The following ARHGEF28 variants were observed in gnomAD, a reference collection of about 807,000 sequenced individuals.
ARHGEF28 encodes 190 kDa guanine nucleotide exchange factor.
ARHGEF28 carries 152 observed loss-of-function variants against 206.6 expected under a neutral mutation model. The ratio of observed to expected loss-of-function variants is 0.74; its 90% CI spans 0.64 to 0.84. ARHGEF28 has a LOEUF of 0.84. Among genes scored for constraint, ARHGEF28 ranks in the 40% least tolerant of loss-of-function variants. The pLI, the probability that ARHGEF28 is intolerant of heterozygous loss-of-function variation, is 0.00. For missense variants in ARHGEF28, 2,028 were observed against 2,073.2 expected, an observed-to-expected ratio of 0.98 and a Z score of 0.42; for synonymous variants, 763 against 776.4, an observed-to-expected ratio of 0.98 and a Z score of 0.29.
intron 24 of ARHGEF28, among the ~76,000 whole-genome samples, chr5:73,885,311 C>G (rs1761200793): frequency 1.3e-5 from 2 of 151,980 alleles, no homozygotes; most frequent in Admixed American, 1.3e-4. Flanking sequence ...CATTTCCTGC[C>G]CTAGGGAGAA....
chr5:73,825,253 A>G (rs548394988), intron 9 of ARHGEF28, among the ~76,000 whole-genome samples: 4 of 152,318 alleles, frequency 2.6e-5, no homozygotes, highest in African/African-American at 9.6e-5. Flanking sequence ...GCCATTTCAT[A>G]TAAGATGATC....
rs1759121798 is a variant in ARHGEF28 at position 73,857,535 on chromosome 5, G to A, written c.1791-121G>A. 1.5e-5 allele frequency: 17 copies of A among 1,112,026 alleles called. No homozygotes were observed. The South Asian group carries it at 3.4e-4, about 22-fold the overall frequency. 68.9% of individuals were successfully genotyped at this position (1,112,026 alleles called of 1,614,324 possible). A position where few individuals can be genotyped will look rare whatever the true frequency, so the allele number is the denominator to read the frequency against. On this transcript the variant is annotated intron_variant, in intron 14 of 35. Transcript: ENST00000513042. ...CTCTTTAGAACAGCCACTAAAACCT[G>A]AAAAAATACATACACATACATATAT...
intron 6 of ARHGEF28, among the ~76,000 whole-genome samples, chr5:73,777,806 C>T (rs1212147885): frequency 6.6e-6 from 1 of 152,132 alleles, no homozygotes; most frequent in Non-Finnish European, 1.5e-5. Context: ...GGCGTGGTGG[C>T]TCACACCTGT....
chr5:73,792,315 T>C (rs1287421993), intron 7 of ARHGEF28, among the ~76,000 whole-genome samples: 1 of 152,190 alleles, frequency 6.6e-6, no homozygotes, highest in African/African-American at 2.4e-5. Context: ...CTATAAAAAC[T>C]AGTTCACTGG....
chr5:73,654,658 C>T (rs1224736731), intron 1 of ARHGEF28, among the ~76,000 whole-genome samples: 1 of 152,158 alleles, frequency 6.6e-6, no homozygotes, highest in African/African-American at 2.4e-5. Flanking sequence ...CTTTTCTTGC[C>T]TCAGGTGAAC....
intron 27 of ARHGEF28, 117 bp from the exon 28 acceptor site, chr5:73,893,080 T>C (rs1761743646): frequency 1.2e-6 from 1 of 817,222 alleles, no homozygotes; most frequent in Admixed American, 3.3e-5. Context: ...ATTCCCTTTA[T>C]GCTGAAATTT....
intron 7 of ARHGEF28, among the ~76,000 whole-genome samples, chr5:73,791,868 A>G (rs1754504184): frequency 6.6e-6 from 1 of 152,214 alleles, no homozygotes; most frequent in Non-Finnish European, 1.5e-5. Context: ...GGCAAGATTA[A>G]TAGGCCTTTA....
At position 73,923,777 on chromosome 5, in the gene ARHGEF28, T is replaced by G. The variant is rs1197657070; in HGVS notation, c.4948+12202T>G. Reference sequence around the variant, plus strand: ...CTTTAGAGAGACTGTTGGCTAACTTTGAGGATGTATGGTTCAGGAAAGTTT... The same window carrying G: ...CTTTAGAGAGACTGTTGGCTAACTTGGAGGATGTATGGTTCAGGAAAGTTT... On this transcript the variant is annotated intron_variant, in intron 35 of 35. Coordinates refer to ENST00000513042, the MANE Select transcript of ARHGEF28 (RefSeq NM_001177693.2). Among the ~76,000 whole-genome samples, 3 of 152,280 alleles carry G rather than the reference T, an allele frequency of 2.0e-5. No individual in the cohort carries two copies. The East Asian group carries it at 5.8e-4, about 29-fold the overall frequency.
In ARHGEF28 at chr5:73,809,449, C is replaced by T. The variant is rs147352187; in HGVS notation, c.1024+14058C>T. ...TGACTTGGTTAGGGCCACTAACTGACGGAGCCATTATTTGAACCCGGATAT... is the reference window on the plus strand; with the variant it reads ...TGACTTGGTTAGGGCCACTAACTGATGGAGCCATTATTTGAACCCGGATAT... On this transcript the variant is annotated intron_variant, in intron 9 of 35. Coordinates refer to ENST00000513042, the MANE Select transcript of ARHGEF28 (RefSeq NM_001177693.2). Among the ~76,000 whole-genome samples the T allele has an allele frequency of 1.6e-4, 25 of 152,208 alleles. No homozygotes were observed. The East Asian group carries it at 4.4e-3, about 27-fold the overall frequency.
chr5:73,787,463 G>A (rs1754231011), intron 7 of ARHGEF28, among the ~76,000 whole-genome samples: 1 of 152,056 alleles, frequency 6.6e-6, no homozygotes, highest in African/African-American at 2.4e-5. Flanking sequence ...AGGTATACAC[G>A]TGCCATGGTG....
chr5:73,665,504 G>C (rs977627828), intron 1 of ARHGEF28, among the ~76,000 whole-genome samples: 4 of 152,060 alleles, frequency 2.6e-5, no homozygotes, highest in Non-Finnish European at 5.9e-5. Context: ...TTTTGTCTTA[G>C]TCTGTTTTGT....
intron 2 of ARHGEF28, among the ~76,000 whole-genome samples, chr5:73,692,052 C>T (rs1382565406): frequency 1.3e-5 from 2 of 152,092 alleles, no homozygotes. Context: ...ATTTCTTTAG[C>T]TTTAATAACT....
intron 2 of ARHGEF28, among the ~76,000 whole-genome samples, chr5:73,702,134 G>A (rs1041095141): frequency 1.3e-5 from 2 of 152,170 alleles, no homozygotes; most frequent in African/African-American, 4.8e-5. Context: ...CATCATACAA[G>A]AGAGCCAATT....
intron 10 of ARHGEF28, among the ~76,000 whole-genome samples, chr5:73,837,652 C>G (rs1757729464): frequency 6.6e-6 from 1 of 151,810 alleles, no homozygotes; most frequent in Non-Finnish European, 1.5e-5. Context: ...TTTACCAAAC[C>G]AAAGATTTGG....
rs1554071458 is a variant in ARHGEF28 at position 73,856,486 on chromosome 5, A to G, written c.1791-1170A>G. On this transcript the variant is annotated intron_variant, in intron 14 of 35. Coordinates refer to ENST00000513042, the MANE Select transcript of ARHGEF28 (RefSeq NM_001177693.2). ...CTTAAGCCATGTATTTTTTTTTTCTAAATGCATTAATAGGTTTGAGCTCTA... is the reference window on the plus strand; with the variant it reads ...CTTAAGCCATGTATTTTTTTTTTCTGAATGCATTAATAGGTTTGAGCTCTA... 2.0e-5 allele frequency among the ~76,000 whole-genome samples: 3 copies of G among 151,912 alleles called. 1 individual carries two copies. The highest frequency in any genetic ancestry group is 2.0e-4 in the Admixed American group (3 of 15,268).
chr5:73,676,901 T>C (rs1011569790), intron 1 of ARHGEF28, among the ~76,000 whole-genome samples: 1 of 152,242 alleles, frequency 6.6e-6, no homozygotes, highest in Non-Finnish European at 1.5e-5. Context: ...TCAAGTAAAA[T>C]TCTCATCGAA....
At position 73,812,035 on chromosome 5, in the gene ARHGEF28, C is replaced by T. The variant is rs747810414; in HGVS notation, c.1024+16644C>T. 1.9e-4 allele frequency among the ~76,000 whole-genome samples: 28 copies of T among 149,816 alleles called. 1 individual carries two copies. Among genetic ancestry groups the T allele is most frequent in the Non-Finnish European group, 5.9e-5 (4 of 67,640 alleles). ...GAAAATGTATCAGTATTTCTTTCCA[C>T]TTAGTTGCAATGTTTGTAACTATAC... On this transcript the variant is annotated intron_variant, in intron 9 of 35. Coordinates refer to ENST00000513042, the MANE Select transcript of ARHGEF28 (RefSeq NM_001177693.2).
intron 1 of ARHGEF28, among the ~76,000 whole-genome samples, chr5:73,644,899 T>A (rs1268376893): frequency 6.6e-6 from 1 of 152,224 alleles, no homozygotes; most frequent in Non-Finnish European, 1.5e-5. Flanking sequence ...CATGGTTAAT[T>A]ATTGCTATTG....
intron 1 of ARHGEF28, among the ~76,000 whole-genome samples, chr5:73,642,863 G>C (rs527873032): frequency 6.6e-6 from 1 of 152,176 alleles, no homozygotes; most frequent in East Asian, 1.9e-4. Flanking sequence ...AAATCTGTTG[G>C]TTTAAGTTCT....
Sources: allele counts gnomAD v4.1 joint callset (sites outside exome capture counted in the v4.1 genomes callset), GRCh38; gene constraint gnomAD v4.1.1; transcripts MANE v1.5; gene names NCBI Gene and HGNC (gene_info 2026-07-23, HGNC 2026-07-21).